The following EPN2 variants were observed in gnomAD, a reference collection of about 807,000 sequenced individuals.
The protein encoded by EPN2 is epsin 2.
A neutral mutation model predicts 61.7 loss-of-function variants in EPN2; 34 were observed. That is an observed-to-expected ratio of 0.55 (90% CI 0.42 to 0.73). EPN2 has a LOEUF of 0.73. Ranked by LOEUF, EPN2 falls within the 30% of genes least tolerant of loss-of-function variation. The probability of loss-of-function intolerance (pLI) is 0.00; values close to 1 mark genes in which losing one functional copy is unlikely to be tolerated. For missense variants in EPN2, 714 were observed against 839.2 expected (o/e 0.85, Z 1.84); for synonymous variants, 349 against 353.6 (o/e 0.99, Z 0.15).
chr17:19,266,404 T>A lies in EPN2; in HGVS notation c.-293-15551T>A, dbSNP rs1212195204. 4.0e-5 allele frequency among the ~76,000 whole-genome samples: 6 copies of A among 149,842 alleles called. No homozygotes were observed. The South Asian group carries it at 9.0e-4, about 22-fold the overall frequency. ...TCCATCTCAACATTATTATTTATTT[T>A]ATTTTTTTTTTTTTTTGAGACGGAG... is the stretch of plus-strand genomic sequence containing the variant. On this transcript the variant is annotated intron_variant, in intron 1 of 10. Transcript: ENST00000314728.
intron 1 of EPN2, among the ~76,000 whole-genome samples, chr17:19,249,010 G>A (rs1418728415): frequency 1.3e-5 from 2 of 152,200 alleles, no homozygotes; most frequent in Non-Finnish European, 2.9e-5. Flanking sequence ...CAAGGAGGGC[G>A]CAGAGGAGGA....
intron 1 of EPN2, among the ~76,000 whole-genome samples, chr17:19,267,870 G>A (rs1003857760): frequency 2.0e-5 from 3 of 152,154 alleles, no homozygotes; most frequent in Non-Finnish European, 4.4e-5. Flanking sequence ...GATTTGAATG[G>A]GCTAATTCCC....
rs1392360343 is a variant in EPN2, at chr17:19,335,599, G to A, written c.*1345G>A. On this transcript the variant is annotated 3_prime_UTR_variant, in exon 11 of 11. Transcript: ENST00000314728. Reference sequence around the variant, plus strand: ...TGTGCCCACGGGTCCCTGGGCAACAGTCCCTAGGCTAAGACAGGGGTGGGG... The same window carrying A: ...TGTGCCCACGGGTCCCTGGGCAACAATCCCTAGGCTAAGACAGGGGTGGGG... 8.3e-6 allele frequency: 7 copies of A among 845,182 alleles called. No homozygotes were observed. In the Admixed American group the frequency reaches 1.8e-4, roughly 22 times the overall value. The allele number at this position is 845,182 out of a possible 1,614,324, so 52.4% of individuals were successfully genotyped here.
chr17:19,262,070 C>T (rs2045147339), intron 1 of EPN2, among the ~76,000 whole-genome samples: 1 of 152,064 alleles, frequency 6.6e-6, no homozygotes, highest in African/African-American at 2.4e-5. Flanking sequence ...CCCTGTAGTC[C>T]CAGCTACTTG....
intron 9 of EPN2, among the ~76,000 whole-genome samples, chr17:19,331,392 C>T (rs1169626111): frequency 6.6e-6 from 1 of 152,322 alleles, no homozygotes; most frequent in Admixed American, 6.5e-5. Context: ...CACATTCCTA[C>T]CGGCCTGGCT....
chr17:19,301,340 T>C (rs1376220180), intron 4 of EPN2, among the ~76,000 whole-genome samples: 2 of 152,302 alleles, frequency 1.3e-5, no homozygotes, highest in South Asian at 2.1e-4. Flanking sequence ...AATAAGGTCA[T>C]GTTCTTCATC....
chr17:19,321,454 C>G (rs1366999062), intron 7 of EPN2, among the ~76,000 whole-genome samples: 1 of 152,160 alleles, frequency 6.6e-6, no homozygotes. Flanking sequence ...TGCAGATTGA[C>G]TTTAACCAGT....
At chr17:19,296,285 G>A (rs2045519203) in intron 4 of EPN2, among the ~76,000 whole-genome samples, 1 of 151,926 alleles carries the variant, frequency 6.6e-6, no homozygotes, top group Non-Finnish European at 1.5e-5. Flanking sequence ...CGAGTAGCTG[G>A]GACTACAGGT....
At chr17:19,311,769 A>AT (rs1906148272) in intron 5 of EPN2, among the ~76,000 whole-genome samples, 1 of 152,178 alleles carries the variant, frequency 6.6e-6, no homozygotes, top group Admixed American at 6.5e-5. Flanking sequence ...AGAAAAAAAT[A>AT]TTTTAGATTA....
intron 7 of EPN2, 95 bp downstream of exon 7, chr17:19,313,374 T>C (rs1227608951): frequency 1.6e-6 from 2 of 1,229,826 alleles, no homozygotes; most frequent in Non-Finnish European, 2.2e-6. Context: ...TTGGGTCTGG[T>C]CGATTGTGGT....
At position 19,312,733 on chromosome 17, in the gene EPN2, G is replaced by A. The variant is rs116587767; in HGVS notation, c.973-372G>A. Reference sequence around the variant, plus strand: ...CATGGGGTGGTCTTGAGAGTGGGGAGCATGCAGGTGCCCGAGGAGGAGGGC... The same window carrying A: ...CATGGGGTGGTCTTGAGAGTGGGGAACATGCAGGTGCCCGAGGAGGAGGGC... On this transcript the variant is annotated intron_variant, in intron 6 of 10. Transcript: ENST00000314728. Among the ~76,000 whole-genome samples the A allele has an allele frequency of 1.1e-3, 173 of 152,360 alleles. 1 individual carries two copies. The highest frequency in any genetic ancestry group is 3.9e-3 in the African/African-American group (164 of 41,582).
At chr17:19,239,132 C>T (rs1220142371) in intron 1 of EPN2, among the ~76,000 whole-genome samples, 1 of 152,204 alleles carries the variant, frequency 6.6e-6, no homozygotes, top group Non-Finnish European at 1.5e-5. Flanking sequence ...TGGGGAAGCG[C>T]ACCTAAACTT....
At chr17:19,291,711 A>C (rs981627628) in intron 4 of EPN2, among the ~76,000 whole-genome samples, 1 of 152,162 alleles carries the variant, frequency 6.6e-6, no homozygotes, top group African/African-American at 2.4e-5. Flanking sequence ...AAGTGCTGGA[A>C]TTACAGGCGT....
intron 4 of EPN2, among the ~76,000 whole-genome samples, chr17:19,302,410 C>G (rs935505559): frequency 6.6e-6 from 1 of 152,230 alleles, no homozygotes; most frequent in African/African-American, 2.4e-5. Flanking sequence ...CTCCCCATCA[C>G]TTGCATTACT....
chr17:19,241,101 ATGT>A (rs1823159369), intron 1 of EPN2, among the ~76,000 whole-genome samples: 1 of 152,270 alleles, frequency 6.6e-6, no homozygotes, highest in Non-Finnish European at 1.5e-5. Flanking sequence ...GGACTCCAAA[ATGT>A]TATTATACCT....
intron 4 of EPN2, among the ~76,000 whole-genome samples, chr17:19,295,366 A>ACACACGCGCG (rs147719775): frequency 0.013 from 1,848 of 140,294 alleles, 25 homozygotes; most frequent in African/African-American, 0.023. Context: ...ACACACACAC[A>ACACACGCGCG]CGCGCGTGCG....
intron 2 of EPN2, 30 bp from the exon 3 acceptor site, chr17:19,282,920 C>T (rs187976383): frequency 4.7e-5 from 26 of 548,734 alleles, no homozygotes; most frequent in African/African-American, 2.8e-4. Context: ...GGGCTTACGT[C>T]GCAGTGGAAT....
intron 1 of EPN2, among the ~76,000 whole-genome samples, chr17:19,242,276 C>CA (rs1204094793): frequency 6.6e-6 from 1 of 151,906 alleles, no homozygotes; most frequent in Non-Finnish European, 1.5e-5. Context: ...CTGTCTTGAC[C>CA]AAAAAAATAC....
At position 19,307,623 on chromosome 17, in the gene EPN2, G is replaced by A. The variant is rs144789371; in HGVS notation, c.767-2262G>A. ...ATCCCGAAGTGCTGGGATTACAGGCGTGAGCCACTGTGCCCGGCCCGTTCC... is the reference window on the plus strand; with the variant it reads ...ATCCCGAAGTGCTGGGATTACAGGCATGAGCCACTGTGCCCGGCCCGTTCC... On this transcript the variant is annotated intron_variant, in intron 4 of 10. Transcript: ENST00000314728. Among the ~76,000 whole-genome samples, 27 of 152,326 alleles carry A rather than the reference G, an allele frequency of 1.8e-4. 1 individual carries two copies. Among genetic ancestry groups the A allele is most frequent in the African/African-American group, 6.0e-4 (25 of 41,572 alleles).
Sources: allele counts gnomAD v4.1 joint callset (sites outside exome capture counted in the v4.1 genomes callset), GRCh38; gene constraint gnomAD v4.1.1; transcripts MANE v1.5; gene names NCBI Gene and HGNC (gene_info 2026-07-23, HGNC 2026-07-21).